RERE: variants seen among roughly 807,000 people sequenced by gnomAD.
RERE encodes arginine-glutamic acid dipeptide repeats protein.
A neutral mutation model predicts 146.1 loss-of-function variants in RERE; 40 were observed. The ratio of observed to expected loss-of-function variants is 0.27; its 90% CI spans 0.21 to 0.36. RERE has a LOEUF of 0.36. RERE is among the 10% of genes least tolerant of loss of function. The probability of loss-of-function intolerance (pLI) is 1.00; values close to 1 mark genes in which losing one functional copy is unlikely to be tolerated. For missense variants in RERE, 1,933 were observed against 2,138.7 expected (o/e 0.90, Z 1.90); for synonymous variants, 1,003 against 866.0 (o/e 1.16, Z -2.78).
intron 1 of RERE, among the ~76,000 whole-genome samples, chr1:8,696,569 G>C (rs1639335004): frequency 1.3e-5 from 2 of 152,084 alleles, no homozygotes; most frequent in South Asian, 4.1e-4. Context: ...AGCTGAGATT[G>C]TGCCACTGAA....
intron 1 of RERE, among the ~76,000 whole-genome samples, chr1:8,732,703 G>A (rs926433793): frequency 1.3e-5 from 2 of 151,462 alleles, no homozygotes; most frequent in Non-Finnish European, 2.9e-5. Flanking sequence ...TAACAGATAA[G>A]CCACACTCAT....
chr1:8,593,380 C>T (rs1646517370), intron 4 of RERE, among the ~76,000 whole-genome samples: 1 of 152,062 alleles, frequency 6.6e-6, no homozygotes, highest in African/African-American at 2.4e-5. Flanking sequence ...GTGGGTCTTT[C>T]GTGTGCTGTT....
intron 3 of RERE, among the ~76,000 whole-genome samples, chr1:8,622,969 T>G (rs1646934507): frequency 6.6e-6 from 1 of 152,190 alleles, no homozygotes; most frequent in South Asian, 2.1e-4. Flanking sequence ...CATTCACAGA[T>G]AGTGATACAC....
At chr1:8,668,425 T>A (rs887152505) in intron 1 of RERE, among the ~76,000 whole-genome samples, 1 of 152,198 alleles carries the variant, frequency 6.6e-6, no homozygotes, top group Non-Finnish European at 1.5e-5. Context: ...AGAGAAAACC[T>A]GGTGTCCACA....
intron 1 of RERE, chr1:8,805,887 T>C (rs1641683561): frequency 6.8e-6 from 1 of 146,772 alleles, no homozygotes; most frequent in African/African-American, 2.5e-5. Context: ...ATTTCACACT[T>C]GTTTTCCAGG....
chr1:8,585,489 C>T (rs1041962489), intron 4 of RERE, among the ~76,000 whole-genome samples: 6 of 152,052 alleles, frequency 3.9e-5, no homozygotes, highest in African/African-American at 1.4e-4. Context: ...CTAAAAGAAA[C>T]CAGGGATTTG....
chr1:8,543,282 A>T (rs996766250), intron 6 of RERE, among the ~76,000 whole-genome samples: 3 of 152,190 alleles, frequency 2.0e-5, no homozygotes, highest in African/African-American at 7.2e-5. Context: ...ACAAATGAAC[A>T]ACTAGCTCAC....
intron 1 of RERE, among the ~76,000 whole-genome samples, chr1:8,709,982 T>C (rs1639634458): frequency 6.6e-6 from 1 of 152,208 alleles, no homozygotes; most frequent in South Asian, 2.1e-4. Context: ...TTGGATCTCC[T>C]ACCTTTCTGG....
chr1:8,501,090 T>G (rs1246560285), intron 8 of RERE, among the ~76,000 whole-genome samples: 691 of 67,806 alleles, frequency 0.01, no homozygotes, highest in Middle Eastern at 0.042. Flanking sequence ...GGTGAGGGGC[T>G]CCTCTGCCCG....
intron 11 of RERE, among the ~76,000 whole-genome samples, chr1:8,462,436 G>A (rs1343497751): frequency 6.6e-6 from 1 of 152,250 alleles, no homozygotes; most frequent in Non-Finnish European, 1.5e-5. Flanking sequence ...TGCGAAGAGG[G>A]AGCACTGGCC....
intron 1 of RERE, among the ~76,000 whole-genome samples, chr1:8,658,259 A>G (rs1208050395): frequency 6.6e-6 from 1 of 152,240 alleles, no homozygotes; most frequent in Non-Finnish European, 1.5e-5. Flanking sequence ...CTAAAACCAC[A>G]ATGGAGGAGA....
At chr1:8,763,589 C>G (rs1046761277) in intron 1 of RERE, among the ~76,000 whole-genome samples, 1 of 152,122 alleles carries the variant, frequency 6.6e-6, no homozygotes, top group Non-Finnish European at 1.5e-5. Flanking sequence ...GAGGCAAGAT[C>G]GAACCACTGC....
rs140321020 is a variant in RERE, at chr1:8,794,950, C to T, written c.-145+22210G>A. Among the ~76,000 whole-genome samples, 489 of 151,980 alleles carry T rather than the reference C, an allele frequency of 3.2e-3. 1 individual carries two copies. The highest frequency in any genetic ancestry group is 0.011 in the African/African-American group (465 of 41,444). ...ATCTCAGCCTCCCAAGTAGCCAGAA[C>T]CATAAGAATGCACCATCACGCCCAG... On this transcript the variant is annotated intron_variant, in intron 1 of 22. Coordinates refer to ENST00000400908, the MANE Select transcript of RERE (RefSeq NM_001042681.2).
intron 7 of RERE, among the ~76,000 whole-genome samples, chr1:8,537,104 T>A (rs1397807414): frequency 6.6e-6 from 1 of 152,074 alleles, no homozygotes; most frequent in Admixed American, 6.6e-5. Flanking sequence ...CTTGGGAGGA[T>A]GAGGCAGGAG....
chr1:8,789,580 C>T (rs894444296), intron 1 of RERE, among the ~76,000 whole-genome samples: 9 of 151,964 alleles, frequency 5.9e-5, no homozygotes, highest in African/African-American at 2.2e-4. Flanking sequence ...ACTCTCCAGT[C>T]TCTGGCTGAC....
intron 1 of RERE, chr1:8,750,981 G>C: frequency 1.5e-6 from 1 of 673,772 alleles, no homozygotes; most frequent in Non-Finnish European, 2.7e-6. Flanking sequence ...GGCATCATCT[G>C]CATGGAGGAT....
At chr1:8,640,243 G>T (rs1056566414) in intron 2 of RERE, among the ~76,000 whole-genome samples, 4 of 151,650 alleles carry the variant, frequency 2.6e-5, no homozygotes, top group Non-Finnish European at 5.9e-5. Flanking sequence ...CTAAAAGAGA[G>T]GTATAACTAT....
chr1:8,783,552 TA>T (rs1459738007), intron 1 of RERE, among the ~76,000 whole-genome samples: 1 of 152,024 alleles, frequency 6.6e-6, no homozygotes, highest in Admixed American at 6.5e-5. Context: ...AAAATGCAAA[TA>T]ATGCACTATG....
In RERE at chr1:8,713,844, A is replaced by G. The variant is rs149154310; in HGVS notation, c.-144-57403T>C. On this transcript the variant is annotated intron_variant, in intron 1 of 22. Transcript: ENST00000400908. ...AAGGTATTTTATTTCAAAAATTACA[A>G]TTTTCTGATTCCATTCTTTATACTT... Among the ~76,000 whole-genome samples, 510 of 152,276 alleles carry G rather than the reference A, an allele frequency of 3.3e-3. 2 individuals carry two copies. Among genetic ancestry groups the G allele is most frequent in the Non-Finnish European group, 4.7e-3 (320 of 68,026 alleles).
Sources: gnomAD v4.1 joint callset for allele counts (sites outside exome capture counted in the v4.1 genomes callset) on GRCh38, gnomAD v4.1.1 for gene constraint, MANE v1.5 for transcripts, NCBI Gene and HGNC (gene_info 2026-07-23, HGNC 2026-07-21) for gene names.